The following PPFIA2 variants were observed in gnomAD, a reference collection of about 807,000 sequenced individuals.
PPFIA2 encodes the protein liprin-alpha-2.
PPFIA2 carries 46 observed loss-of-function variants against 175.5 expected under a neutral mutation model. The observed-to-expected ratio is 0.26, with a 90% CI of 0.21 to 0.34. The LOEUF (loss-of-function observed/expected upper bound fraction) is 0.34, where lower values mean the gene tolerates loss of function less well. PPFIA2 is among the 10% of genes least tolerant of loss of function. The pLI, the probability that PPFIA2 is intolerant of heterozygous loss-of-function variation, is 1.00. For synonymous variants in PPFIA2, 568 were observed against 511.4 expected (o/e 1.11, Z -1.49); for missense variants, 1,179 against 1,506.1 (o/e 0.78, Z 3.60).
At chr12:81,369,038 G>C in intron 12 of PPFIA2, 73 bp downstream of exon 12, 1 of 1,349,718 alleles carries the variant, frequency 7.4e-7, no homozygotes, top group Admixed American at 2.2e-5. Context: ...CTCAGTTAAA[G>C]GCTTTCTTCT....
chr12:81,528,570 G>C (rs2064037224), intron 4 of PPFIA2, among the ~76,000 whole-genome samples: 1 of 152,038 alleles, frequency 6.6e-6, no homozygotes, highest in Non-Finnish European at 1.5e-5. Context: ...TCCCTAAGCA[G>C]CAATGCTTTA....
At chr12:81,669,508 T>C (rs1692056595) in intron 4 of PPFIA2, among the ~76,000 whole-genome samples, 1 of 152,010 alleles carries the variant, frequency 6.6e-6, no homozygotes, top group Non-Finnish European at 1.5e-5. Context: ...AAAGTTTATA[T>C]TCTAGTAGAA....
At chr12:81,502,688 C>A (rs1454137599) in intron 4 of PPFIA2, among the ~76,000 whole-genome samples, 1 of 152,148 alleles carries the variant, frequency 6.6e-6, no homozygotes, top group Non-Finnish European at 1.5e-5. Context: ...GGGGTTTAGA[C>A]TGTAGTCTAG....
chr12:81,519,441 A>C (rs780033173), intron 4 of PPFIA2, among the ~76,000 whole-genome samples: 3 of 152,202 alleles, frequency 2.0e-5, no homozygotes, highest in Non-Finnish European at 2.9e-5. Context: ...GAAATGGAGA[A>C]GAAAATTACA....
chr12:81,595,764 C>T (rs115002033), intron 4 of PPFIA2, among the ~76,000 whole-genome samples: 270 of 152,216 alleles, frequency 1.8e-3, no homozygotes, highest in African/African-American at 6.3e-3. Context: ...CATTCTAAAT[C>T]TTACTCTTAA....
At chr12:81,596,817 G>C (rs1220660406) in intron 4 of PPFIA2, among the ~76,000 whole-genome samples, 1 of 152,086 alleles carries the variant, frequency 6.6e-6, no homozygotes. Flanking sequence ...AGTAGGAAGA[G>C]AATATATTTT....
At chr12:81,652,769 A>G (rs2067210642) in intron 4 of PPFIA2, among the ~76,000 whole-genome samples, 1 of 151,978 alleles carries the variant, frequency 6.6e-6, no homozygotes, top group Admixed American at 6.6e-5. Context: ...ATATCATTAT[A>G]TATTATTTAC....
chr12:81,623,709 T>C (rs772100959), intron 4 of PPFIA2, among the ~76,000 whole-genome samples: 8 of 152,062 alleles, frequency 5.3e-5, no homozygotes, highest in Non-Finnish European at 1.0e-4. Flanking sequence ...CTAAGGATAT[T>C]ATGTTTTTGA....
chr12:81,636,387 T>C (rs562191918), intron 4 of PPFIA2, among the ~76,000 whole-genome samples: 61 of 149,352 alleles, frequency 4.1e-4, no homozygotes, highest in Admixed American at 3.3e-3. Context: ...TGCCTCAGCC[T>C]CCCGAGTAGC....
intron 22 of PPFIA2, among the ~76,000 whole-genome samples, chr12:81,322,071 G>T (rs1339837156): frequency 6.6e-6 from 1 of 152,104 alleles, no homozygotes; most frequent in Non-Finnish European, 1.5e-5. Context: ...GCCTAGGCTT[G>T]AGCAGTTCTC....
chr12:81,749,553 C>T lies in PPFIA2; in HGVS notation c.249+4420G>A, dbSNP rs1238834367. 2.1e-5 allele frequency among the ~76,000 whole-genome samples: 3 copies of T among 143,936 alleles called. 1 individual carries two copies. In the East Asian group the frequency reaches 6.4e-4, roughly 31 times the overall value. 94.4% of individuals were successfully genotyped at this position (143,936 alleles called of 152,430 possible). A position where few individuals can be genotyped will look rare whatever the true frequency, so the allele number is the denominator to read the frequency against. ...AATATATTAATAACTGACAATTATTCCCCCATTCTCAAAAATGTGTAGGAT... is the reference window on the plus strand; with the variant it reads ...AATATATTAATAACTGACAATTATTTCCCCATTCTCAAAAATGTGTAGGAT... On this transcript the variant is annotated intron_variant, in intron 3 of 32. Coordinates refer to ENST00000549396, the MANE Select transcript of PPFIA2 (RefSeq NM_003625.5).
At chr12:81,627,868 A>G (rs536679867) in intron 4 of PPFIA2, among the ~76,000 whole-genome samples, 248 of 152,228 alleles carry the variant, frequency 1.6e-3, no homozygotes, top group Non-Finnish European at 2.3e-3. Flanking sequence ...TTGTTAACAC[A>G]TGGTATCTTA....
intron 21 of PPFIA2, among the ~76,000 whole-genome samples, chr12:81,336,240 A>AT (rs1220437984): frequency 6.6e-6 from 1 of 152,204 alleles, no homozygotes; most frequent in East Asian, 1.9e-4. Flanking sequence ...TCATAAGAAA[A>AT]TTTTAAAATA....
At chr12:81,369,319 A>G in intron 11 of PPFIA2, 125 bp from the exon 12 acceptor site, 2 of 1,513,916 alleles carry the variant, frequency 1.3e-6, no homozygotes, top group Non-Finnish European at 1.8e-6. Context: ...TAAAAAATAA[A>G]CTTTCTTCAA....
intron 3 of PPFIA2, among the ~76,000 whole-genome samples, chr12:81,682,401 T>G (rs1272738599): frequency 1.3e-5 from 2 of 152,060 alleles, no homozygotes; most frequent in Non-Finnish European, 2.9e-5. Flanking sequence ...TCACTCAGTC[T>G]GTGGTATTTT....
At position 81,524,722 on chromosome 12, in the gene PPFIA2, T is replaced by C. The variant is rs147351557; in HGVS notation, c.304-66856A>G. Among the ~76,000 whole-genome samples the C allele has an allele frequency of 5.6e-3, 855 of 152,322 alleles. 9 individuals carry two copies. The highest frequency in any genetic ancestry group is 0.031 in the South Asian group (151 of 4,822). On this transcript the variant is annotated intron_variant, in intron 4 of 32. Transcript: ENST00000549396. ...ATACTTTTGGGGTAATTGAAATGAATGCATTTTACATTTGAGAAGGACATG... is the reference window on the plus strand; with the variant it reads ...ATACTTTTGGGGTAATTGAAATGAACGCATTTTACATTTGAGAAGGACATG...
chr12:81,419,617 A>G (rs937173715), intron 7 of PPFIA2, among the ~76,000 whole-genome samples: 2 of 152,072 alleles, frequency 1.3e-5, no homozygotes, highest in African/African-American at 2.4e-5. Flanking sequence ...GAAAGATGTC[A>G]GTGTATTATT....
intron 4 of PPFIA2, among the ~76,000 whole-genome samples, chr12:81,474,206 G>A (rs1349694114): frequency 6.6e-6 from 1 of 152,122 alleles, no homozygotes; most frequent in Non-Finnish European, 1.5e-5. Flanking sequence ...AAGCAGGCTG[G>A]AGAGCAGTGG....
In PPFIA2 at chr12:81,746,961, C is replaced by T. The variant is rs115875521; in HGVS notation, c.249+7012G>A. Among the ~76,000 whole-genome samples the T allele has an allele frequency of 8.8e-3, 1,252 of 143,084 alleles. 68 individuals carry two copies. Among genetic ancestry groups the T allele is most frequent in the African/African-American group, 0.028 (1,162 of 40,980 alleles). 93.9% of individuals were successfully genotyped at this position (143,084 alleles called of 152,430 possible). A position where few individuals can be genotyped will look rare whatever the true frequency, so the allele number is the denominator to read the frequency against. ...ATAGCATTGCTTAACACAAAGAATT[C>T]AAGGGACATGGAGAATATGAAAGCA... On this transcript the variant is annotated intron_variant, in intron 3 of 32. Transcript: ENST00000549396.
Sources: allele counts gnomAD v4.1 joint callset (sites outside exome capture counted in the v4.1 genomes callset), GRCh38; gene constraint gnomAD v4.1.1; transcripts MANE v1.5; gene names NCBI Gene and HGNC (gene_info 2026-07-23, HGNC 2026-07-21).